ZFHX3: variants seen among roughly 807,000 people sequenced by gnomAD.
ZFHX3 encodes zinc finger homeobox 3, also known as zinc finger homeobox protein 3.
Under a neutral mutation model 279.1 loss-of-function variants are expected in ZFHX3, and 42 were observed. The ratio of observed to expected loss-of-function variants is 0.15; its 90% CI spans 0.12 to 0.19. ZFHX3 has a LOEUF of 0.19. Ranked by LOEUF, ZFHX3 falls within the 10% of genes least tolerant of loss-of-function variation. ZFHX3 has a pLI of 1.00. For synonymous variants in ZFHX3, 2,293 were observed against 1,957.8 expected, an observed-to-expected ratio of 1.17 and a Z score of -4.52; for missense variants, 4,981 against 4,754.0, an observed-to-expected ratio of 1.05 and a Z score of -1.40.
chr16:72,902,045 A>C (rs1243766484), intron 3 of ZFHX3, among the ~76,000 whole-genome samples: 3 of 152,232 alleles, frequency 2.0e-5, no homozygotes, highest in Non-Finnish European at 4.4e-5. Flanking sequence ...TTTAACTTTA[A>C]ATAATGCAAT....
intron 1 of ZFHX3, among the ~76,000 whole-genome samples, chr16:72,969,967 G>T (rs1962029789): frequency 6.6e-6 from 1 of 152,210 alleles, no homozygotes; most frequent in Non-Finnish European, 1.5e-5. Context: ...TGCCCAGAAG[G>T]CCCAGAGAAT....
At chr16:73,126,892 T>G (rs527407854) in intron 7 of ZFHX3, 2 of 155,142 alleles carry the variant, frequency 1.3e-5, no homozygotes, top group Admixed American at 6.4e-5. Flanking sequence ...GAGGGATGGA[T>G]GGCCGACACA....
intron 3 of ZFHX3, among the ~76,000 whole-genome samples, chr16:73,353,500 T>C (rs927719909): frequency 3.9e-5 from 6 of 152,240 alleles, no homozygotes; most frequent in Admixed American, 3.9e-4. Flanking sequence ...TAAGTGCTCT[T>C]CTTCTATCAG....
chr16:73,350,605 G>T (rs943958438), intron 3 of ZFHX3, among the ~76,000 whole-genome samples: 1 of 152,242 alleles, frequency 6.6e-6, no homozygotes, highest in South Asian at 2.1e-4. Context: ...TCAACTGAGA[G>T]AGTTGGCCCT....
chr16:73,174,733 C>T (rs536214062), intron 5 of ZFHX3, among the ~76,000 whole-genome samples: 1 of 151,946 alleles, frequency 6.6e-6, no homozygotes, highest in Non-Finnish European at 1.5e-5. Flanking sequence ...AAACCCAAAT[C>T]AGGGCCGAGC....
intron 1 of ZFHX3, among the ~76,000 whole-genome samples, chr16:73,760,899 C>G (rs1303791619): frequency 1.3e-5 from 2 of 151,830 alleles, no homozygotes; most frequent in Non-Finnish European, 2.9e-5. Flanking sequence ...GGAAGCATTC[C>G]CCTTGAAAAC....
chr16:73,803,898 G>A (rs774617210), intron 1 of ZFHX3, among the ~76,000 whole-genome samples: 7 of 152,166 alleles, frequency 4.6e-5, no homozygotes, highest in Non-Finnish European at 1.0e-4. Flanking sequence ...AGTGGCTCAT[G>A]TCTGTAACCC....
intron 1 of ZFHX3, among the ~76,000 whole-genome samples, chr16:72,969,756 A>G (rs1467303529): frequency 6.6e-6 from 1 of 152,186 alleles, no homozygotes; most frequent in African/African-American, 2.4e-5. Flanking sequence ...AACCATACCC[A>G]GTTCCCTTCT....
chr16:73,184,269 T>C (rs1363758404), intron 5 of ZFHX3, among the ~76,000 whole-genome samples: 1 of 152,196 alleles, frequency 6.6e-6, no homozygotes, highest in African/African-American at 2.4e-5. Flanking sequence ...CCCACACCTC[T>C]ACTTTCAGAG....
chr16:73,707,581 G>A (rs1171373081), intron 1 of ZFHX3, among the ~76,000 whole-genome samples: 3 of 122,964 alleles, frequency 2.4e-5, no homozygotes, highest in African/African-American at 6.1e-5. Context: ...CACACACCGG[G>A]GACTATTGTG....
rs371595033 is a variant in ZFHX3, at chr16:73,804,559, C to T, written c.-1608+87092G>A. Among the ~76,000 whole-genome samples, 75 of 152,246 alleles carry T rather than the reference C, an allele frequency of 4.9e-4. No individual in the cohort carries two copies. In the South Asian group the frequency reaches 0.014, roughly 29 times the overall value. On this transcript the variant is annotated intron_variant, in intron 1 of 17. Transcript: ENST00000641206. ...CCGCACCTTTCTTTCCCTTCTCTATCCCTTAAAAAACAACAGCTTAGTATC... is the reference window on the plus strand; with the variant it reads ...CCGCACCTTTCTTTCCCTTCTCTATTCCTTAAAAAACAACAGCTTAGTATC...
At position 73,408,637 on chromosome 16, in the gene ZFHX3, G is replaced by A. The variant is rs551204609; in HGVS notation, c.-1291+47366C>T. Among the ~76,000 whole-genome samples, 13 of 152,274 alleles carry A rather than the reference G, an allele frequency of 8.5e-5. No homozygotes were observed. In the East Asian group the frequency reaches 1.9e-3, roughly 23 times the overall value. On this transcript the variant is annotated intron_variant, in intron 3 of 17. Coordinates refer to the ZFHX3 transcript ENST00000641206. ...GAGCAGAGCGGGGCTTTGGAAATCC[G>A]TTCCCAGCTAGCTGAACTTGGGGCC... is the stretch of plus-strand genomic sequence containing the variant.
At chr16:73,205,890 T>C (rs2011778648) in intron 5 of ZFHX3, among the ~76,000 whole-genome samples, 1 of 152,200 alleles carries the variant, frequency 6.6e-6, no homozygotes. Flanking sequence ...GCCCAGATTA[T>C]ACCATCACTC....
At chr16:73,738,252 AC>A (rs1168824551) in intron 1 of ZFHX3, among the ~76,000 whole-genome samples, 2 of 152,100 alleles carry the variant, frequency 1.3e-5, no homozygotes, top group African/African-American at 4.8e-5. Context: ...GAAAAATAAA[AC>A]CCTTGCAGCA....
At chr16:73,440,289 C>T (rs2018067867) in intron 3 of ZFHX3, among the ~76,000 whole-genome samples, 1 of 152,160 alleles carries the variant, frequency 6.6e-6, no homozygotes, top group Non-Finnish European at 1.5e-5. Flanking sequence ...AATCAGAATT[C>T]AGTGGAGCAA....
intron 5 of ZFHX3, among the ~76,000 whole-genome samples, chr16:73,156,740 A>G (rs1967094835): frequency 7.0e-6 from 1 of 142,880 alleles, no homozygotes; most frequent in Non-Finnish European, 1.5e-5. Context: ...TTTTTTGAAG[A>G]GTCTAGCTCT....
At position 72,920,501 on chromosome 16, in the gene ZFHX3, G is replaced by A. The variant is rs943634312; in HGVS notation, c.3216+29968C>T. Among the ~76,000 whole-genome samples, 27 of 151,380 alleles carry A rather than the reference G, an allele frequency of 1.8e-4. No individual in the cohort carries two copies. The Middle Eastern group carries it at 9.6e-3, about 54-fold the overall frequency. ...TCGAGACCAGCCTGGCCAACATGGC[G>A]AAACCCCGTCTCTACTAAAAATACA... On this transcript the variant is annotated intron_variant, in intron 3 of 9. Coordinates refer to ENST00000268489, the MANE Select transcript of ZFHX3 (RefSeq NM_006885.4).
rs533121332 is a variant in ZFHX3, at chr16:73,465,367, A to G, written c.-1546-9109T>C. On this transcript the variant is annotated intron_variant, in intron 2 of 17. Coordinates refer to the ZFHX3 transcript ENST00000641206. ...CATGGCTGAGGAATAGACCAGGGGA[A>G]TCTCTTCTGTATCACTTCCTTGGTG... Among the ~76,000 whole-genome samples the G allele has an allele frequency of 2.0e-5, 3 of 152,160 alleles. No individual in the cohort carries two copies. The South Asian group carries it at 6.2e-4, about 32-fold the overall frequency.
intron 1 of ZFHX3, 62 bp from the exon 2 acceptor site, chr16:72,960,256 G>C: frequency 1.5e-6 from 2 of 1,362,344 alleles, no homozygotes; most frequent in South Asian, 1.6e-5. Context: ...AAAGGAAAGA[G>C]GTTAGGAGGG....
Sources: gnomAD v4.1 joint callset for allele counts (sites outside exome capture counted in the v4.1 genomes callset) on GRCh38, gnomAD v4.1.1 for gene constraint, MANE v1.5 for transcripts, NCBI Gene and HGNC (gene_info 2026-07-23, HGNC 2026-07-21) for gene names.